The following UNC13C variants were observed in gnomAD, a reference collection of about 807,000 sequenced individuals.
The protein encoded by UNC13C is protein unc-13 homolog C.
Under a neutral mutation model 245.4 loss-of-function variants are expected in UNC13C, and 174 were observed. The ratio of observed to expected loss-of-function variants is 0.71; its 90% CI spans 0.63 to 0.80. The LOEUF is 0.80. Among genes scored for constraint, UNC13C ranks in the 30% least tolerant of loss-of-function variants. The probability of loss-of-function intolerance (pLI) is 0.00; values close to 1 mark genes in which losing one functional copy is unlikely to be tolerated. For missense variants in UNC13C, 2,829 were observed against 2,602.9 expected (o/e 1.09, Z -1.89); for synonymous variants, 992 against 895.1 (o/e 1.11, Z -1.93).
intron 2 of UNC13C, among the ~76,000 whole-genome samples, chr15:54,112,727 C>G (rs146827692): frequency 6.6e-6 from 1 of 152,128 alleles, no homozygotes; most frequent in Non-Finnish European, 1.5e-5. Context: ...AAAGGGAAAC[C>G]TTACTGAGGA....
At chr15:54,252,715 A>T (rs780227863) in intron 8 of UNC13C, among the ~76,000 whole-genome samples, 4 of 152,212 alleles carry the variant, frequency 2.6e-5, no homozygotes, top group Admixed American at 6.5e-5. Context: ...AACACTGAAG[A>T]AAAGGAAAGA....
At chr15:54,451,588 C>A (rs946927116) in intron 19 of UNC13C, among the ~76,000 whole-genome samples, 3 of 151,986 alleles carry the variant, frequency 2.0e-5, no homozygotes, top group African/African-American at 7.2e-5. Flanking sequence ...TCAATGTATT[C>A]TTCAGTTCCA....
At chr15:54,077,947 C>G (rs145677973) in intron 2 of UNC13C, among the ~76,000 whole-genome samples, 3 of 152,124 alleles carry the variant, frequency 2.0e-5, no homozygotes, top group Non-Finnish European at 2.9e-5. Context: ...GTACCTAATA[C>G]GTAGTTTTTC....
chr15:54,207,352 T>C (rs1023648612), intron 4 of UNC13C, among the ~76,000 whole-genome samples: 14 of 152,032 alleles, frequency 9.2e-5, no homozygotes, highest in African/African-American at 3.4e-4. Context: ...GTTAAAAATA[T>C]TATAATTTTC....
chr15:53,920,376 A>G, the UNC13C span, among the ~76,000 whole-genome samples: 1 of 152,232 alleles, frequency 6.6e-6, no homozygotes, highest in Admixed American at 6.5e-5. Context: ...CAACATGATG[A>G]AACCCTGTCT....
chr15:54,462,265 A>G (rs1008152571), intron 19 of UNC13C, among the ~76,000 whole-genome samples: 2 of 152,274 alleles, frequency 1.3e-5, no homozygotes, highest in African/African-American at 4.8e-5. Flanking sequence ...CTCAGTGGAT[A>G]TAAGAGGGAG....
Position 54,616,190 on chromosome 15 carries a change from A to AGT in UNC13C, c.6107-6136_6107-6135dup, listed in dbSNP as rs374900361. 3.4e-3 allele frequency among the ~76,000 whole-genome samples: 510 copies of AGT among 152,186 alleles called. 2 individuals carry two copies. The highest frequency in any genetic ancestry group is 0.012 in the African/African-American group (485 of 41,566). On this transcript the variant is annotated intron_variant, in intron 30 of 32. Coordinates refer to ENST00000260323, the MANE Select transcript of UNC13C (RefSeq NM_001080534.3). ...CATGGAGACTCACTTAATATAAAGTAGTAGATATAAGCTTTTTCAATCAAT... is the reference window on the plus strand; with the variant it reads ...CATGGAGACTCACTTAATATAAAGTAGTGTAGATATAAGCTTTTTCAATCAAT...
chr15:53,901,773 TGA>T, the UNC13C span, among the ~76,000 whole-genome samples: 15 of 152,190 alleles, frequency 9.9e-5, no homozygotes, highest in Admixed American at 8.5e-4. Flanking sequence ...ATCAGAAATT[TGA>T]GAGTGTATGT....
chr15:54,509,224 A>G (rs192329362), intron 23 of UNC13C, among the ~76,000 whole-genome samples: 113 of 152,308 alleles, frequency 7.4e-4, no homozygotes, highest in African/African-American at 2.7e-3. Flanking sequence ...CAAAAAAGAT[A>G]TGACCAAAAC....
chr15:54,155,964 T>C (rs2032726623), intron 4 of UNC13C, among the ~76,000 whole-genome samples: 1 of 152,186 alleles, frequency 6.6e-6, no homozygotes, highest in Admixed American at 6.5e-5. Context: ...GAAATGTAAG[T>C]TGAAAGTTTG....
At chr15:53,921,723 A>G in the UNC13C span, among the ~76,000 whole-genome samples, 4 of 152,222 alleles carry the variant, frequency 2.6e-5, no homozygotes, top group African/African-American at 7.2e-5. Context: ...CTTTGGGTCC[A>G]TATAGATGCT....
the UNC13C span, among the ~76,000 whole-genome samples, chr15:53,852,050 C>A: frequency 2.6e-5 from 4 of 152,188 alleles, no homozygotes; most frequent in African/African-American, 9.6e-5. Context: ...CATCTTGAAG[C>A]TGGTCAGTCA....
chr15:54,037,892 A>T (rs890316274), intron 2 of UNC13C, among the ~76,000 whole-genome samples: 1 of 135,536 alleles, frequency 7.4e-6, no homozygotes, highest in African/African-American at 2.7e-5. Flanking sequence ...AAATATATGG[A>T]AATCTGTATT....
chr15:54,568,548 A>C (rs1032642360), intron 30 of UNC13C, among the ~76,000 whole-genome samples: 1 of 152,166 alleles, frequency 6.6e-6, no homozygotes, highest in Non-Finnish European at 1.5e-5. Context: ...ACTGTTCAAA[A>C]ATTTTTCTTT....
intron 2 of UNC13C, among the ~76,000 whole-genome samples, chr15:54,108,909 T>G (rs1296120295): frequency 6.6e-6 from 1 of 152,212 alleles, no homozygotes; most frequent in Non-Finnish European, 1.5e-5. Context: ...TCCTTGTAGT[T>G]GTTCCATCTT....
intron 17 of UNC13C, among the ~76,000 whole-genome samples, chr15:54,340,098 C>G (rs1445040928): frequency 6.6e-6 from 1 of 152,054 alleles, no homozygotes; most frequent in Non-Finnish European, 1.5e-5. Flanking sequence ...CTTTTGAGAA[C>G]TGTCTATTCA....
At chr15:54,434,972 T>A (rs1221261689) in intron 19 of UNC13C, among the ~76,000 whole-genome samples, 1 of 151,818 alleles carries the variant, frequency 6.6e-6, no homozygotes, top group Middle Eastern at 3.4e-3. Context: ...AACAAACACA[T>A]GAAAAAAAGC....
At chr15:54,085,837 T>G (rs1899208087) in intron 2 of UNC13C, among the ~76,000 whole-genome samples, 1 of 152,174 alleles carries the variant, frequency 6.6e-6, no homozygotes, top group Non-Finnish European at 1.5e-5. Context: ...TTTTATTTTG[T>G]GCAATGCACT....
chr15:54,584,427 C>G (rs1042323964), intron 30 of UNC13C, among the ~76,000 whole-genome samples: 5 of 152,198 alleles, frequency 3.3e-5, no homozygotes, highest in African/African-American at 1.2e-4. Context: ...GGCAAGGTAA[C>G]TTGATAGAGC....
Sources: allele counts gnomAD v4.1 joint callset (sites outside exome capture counted in the v4.1 genomes callset), GRCh38; gene constraint gnomAD v4.1.1; transcripts MANE v1.5; gene names NCBI Gene and HGNC (gene_info 2026-07-23, HGNC 2026-07-21).